The following NLRP13 variants were observed in gnomAD, a reference collection of about 807,000 sequenced individuals.
The protein encoded by NLRP13 is NACHT, LRR and PYD domains-containing protein 13.
Under a neutral mutation model 94.4 loss-of-function variants are expected in NLRP13, and 82 were observed. That is an observed-to-expected ratio of 0.87 (90% confidence interval 0.73 to 1.04). The LOEUF is 1.04. Among genes scored for constraint, NLRP13 ranks in the 50% least tolerant of loss-of-function variants. NLRP13 has a pLI of 0.00. For synonymous variants in NLRP13, 553 were observed against 464.7 expected (o/e 1.19, Z -2.45); for missense variants, 1,426 against 1,230.8 (o/e 1.16, Z -2.37).
intron 4 of NLRP13, among the ~76,000 whole-genome samples, chr19:55,913,671 GAGAAGGGATC>G (rs1323497462): frequency 6.6e-6 from 1 of 151,876 alleles, no homozygotes; most frequent in African/African-American, 2.4e-5. Flanking sequence ...AGAGAGGGCA[GAGAAGGGATC>G]ATAGCGAGAA....
chr19:55,905,191 C>G (rs969095937), intron 7 of NLRP13, 79 bp from the exon 8 acceptor site: 27 of 1,434,932 alleles, frequency 1.9e-5, no homozygotes, highest in Non-Finnish European at 2.5e-5. Context: ...ACCCCTTAAC[C>G]CCCGAGACCC....
intron 8 of NLRP13, among the ~76,000 whole-genome samples, chr19:55,902,950 A>T (rs1485836002): frequency 8.3e-4 from 2 of 2,412 alleles, no homozygotes; most frequent in East Asian, 0.17. Context: ...AAATTATAAC[A>T]ACTAATTGTT....
At chr19:55,907,259 G>A (rs371203238) in intron 7 of NLRP13, among the ~76,000 whole-genome samples, 31 of 151,990 alleles carry the variant, frequency 2.0e-4, no homozygotes, top group Admixed American at 1.5e-3. Flanking sequence ...CACCTGGCCT[G>A]GAATCTGTAT....
chr19:55,919,120 C>G (rs1733785680), intron 4 of NLRP13, among the ~76,000 whole-genome samples: 1 of 152,050 alleles, frequency 6.6e-6, no homozygotes, highest in African/African-American at 2.4e-5. Context: ...AAAACAAAAA[C>G]TATATGATCA....
At chr19:55,913,420 A>G in intron 4 of NLRP13, 127 bp from the exon 5 acceptor site, 1 of 1,086,458 alleles carries the variant, frequency 9.2e-7, no homozygotes, top group Non-Finnish European at 1.3e-6. Context: ...TTTTGTGGGA[A>G]TGCAGTGGTA....
intron 4 of NLRP13, among the ~76,000 whole-genome samples, chr19:55,920,167 C>T (rs1056179945): frequency 3.3e-5 from 5 of 152,086 alleles, no homozygotes; most frequent in African/African-American, 1.2e-4. Context: ...TCACTATATT[C>T]AAAAGCTCAC....
Position 55,923,932 on chromosome 19 carries a change from C to G in NLRP13, c.505G>C (p.Glu169Gln). ...GCQDPNQEEP[E>Q]MLEEADHRRK... ...TACACACCTGCTTCCTCTAGCATCT[C>G]TGGTTCTTCTTGGTTTGGATCTTGG... Residue 169 changes from glutamate (E) to glutamine (Q), a missense_variant, in exon 4 of 11, where the codon GAG becomes CAG. Coordinates refer to ENST00000342929, the MANE Select transcript of NLRP13 (RefSeq NM_176810.2). The G allele has an allele frequency of 6.2e-7, 1 of 1,613,832 alleles. No individual in the cohort carries two copies. Among genetic ancestry groups the G allele is most frequent in the Non-Finnish European group, 8.5e-7 (1 of 1,179,742 alleles).
Position 55,895,953 on chromosome 19 carries a change from G to A in NLRP13, c.3124C>T (p.Leu1042Phe). Residue 1042 changes from leucine (L) to phenylalanine (F), a missense_variant, in exon 11 of 11, where the codon CTC becomes TTC. Transcript: ENST00000342929. ...AGAAAAGTCAGTGAGGTTTACCCGA[G>A]TTTCTGCAGCCTGCATGTCGACTTT... ...LKKSTCRLQK[L>F]G 1 of 1,613,902 alleles carries A rather than the reference G, an allele frequency of 6.2e-7. No homozygotes were observed. The highest frequency in any genetic ancestry group is 1.1e-5 in the South Asian group (1 of 91,028).
chr19:55,892,394 CACACATATTCATATACAT>C (rs1985880562), downstream of NLRP13, among the ~76,000 whole-genome samples: 1 of 151,402 alleles, frequency 6.6e-6, no homozygotes, highest in Middle Eastern at 3.4e-3. Flanking sequence ...CACATACACA[CACACATATTCATATACAT>C]ACACACATAC....
rs769323675 is a variant in NLRP13, at chr19:55,932,070, G to T, written c.242C>A (p.Ala81Glu). 7.4e-6 allele frequency: 12 copies of T among 1,614,002 alleles called. No individual in the cohort carries two copies. The highest frequency in any genetic ancestry group is 1.6e-4 in the Middle Eastern group (1 of 6,080). ...LLDEHFPKGQ[A>E]WKVVLGIFQT... The stretch of plus-strand genomic sequence containing the variant: ...GAAGATGCCGAGGACCACTTTCCAT[G>T]CCTGACCTTTTGGGAAGTGTTCATC... The change falls in exon 1 of 11, where the codon GCA becomes GAA. Residue 81 changes from alanine to glutamate, a missense_variant. Transcript: ENST00000342929.
rs945478661 is a variant in NLRP13 at position 55,912,266 on chromosome 19, G to A, written c.1551C>T (p.Tyr517=). 2.1e-5 allele frequency: 34 copies of A among 1,613,892 alleles called. No individual in the cohort carries two copies. The highest frequency in any genetic ancestry group is 1.6e-4 in the Middle Eastern group (1 of 6,084). The change falls in exon 5 of 11, where the codon TAC becomes TAT. Residue 517 remains tyrosine, a synonymous_variant. Coordinates refer to ENST00000342929, the MANE Select transcript of NLRP13 (RefSeq NM_176810.2). ...TGATCTTTTGAAGAATATTGAACTC[G>A]TAGAGAGAATCAATGAAAGGCACTT... The part of the protein sequence containing the change: ...GLEVPFIDSL[Y]EFNILQKIND...
chr19:55,894,252 T>C (rs990454592), downstream of NLRP13, among the ~76,000 whole-genome samples: 1 of 151,956 alleles, frequency 6.6e-6, no homozygotes. Context: ...ATGTTGCCCA[T>C]GCTGGTCTTG....
In NLRP13 at chr19:55,900,044, C is replaced by T. The variant is rs549367114; in HGVS notation, c.2790-1107G>A. Among the ~76,000 whole-genome samples, 3 of 150,192 alleles carry T rather than the reference C, an allele frequency of 2.0e-5. No individual in the cohort carries two copies. In the South Asian group the frequency reaches 6.4e-4, roughly 32 times the overall value. Reference sequence around the variant, plus strand: ...TCAAAATTGCTAACATAATAAATTTCAAATATTGTCACCACAAAAAATTGT... The same window carrying T: ...TCAAAATTGCTAACATAATAAATTTTAAATATTGTCACCACAAAAAATTGT... On this transcript the variant is annotated intron_variant, in intron 9 of 10. Coordinates refer to ENST00000342929, the MANE Select transcript of NLRP13 (RefSeq NM_176810.2).
intron 1 of NLRP13, among the ~76,000 whole-genome samples, chr19:55,929,482 A>G (rs1190045873): frequency 6.6e-6 from 1 of 152,202 alleles, no homozygotes; most frequent in Non-Finnish European, 1.5e-5. Flanking sequence ...GCAGGGACAT[A>G]GATGAAGCTG....
Position 55,927,293 on chromosome 19 carries a change from C to T in NLRP13, c.320-2258G>A, listed in dbSNP as rs1379906214. Among the ~76,000 whole-genome samples the T allele has an allele frequency of 2.7e-5, 4 of 150,868 alleles. No individual in the cohort carries two copies. In the South Asian group the frequency reaches 8.4e-4, roughly 32 times the overall value. On this transcript the variant is annotated intron_variant, in intron 1 of 10. Coordinates refer to ENST00000342929, the MANE Select transcript of NLRP13 (RefSeq NM_176810.2). The stretch of plus-strand genomic sequence containing the variant: ...CTGAGGCAGGAGAATCGCTTGAACC[C>T]GGAGGCAGAGGTTGCAGTGAGCCGA...
chr19:55,931,711 A>AGACAG (rs1987141838), intron 1 of NLRP13, among the ~76,000 whole-genome samples: 1 of 48,506 alleles, frequency 2.1e-5, no homozygotes, highest in African/African-American at 7.8e-5. Flanking sequence ...CTCAGGCTCA[A>AGACAG]AAAAAAAAAA....
In NLRP13 at chr19:55,929,145, G is replaced by C. The variant is rs186529356; in HGVS notation, c.319+2848C>G. 2.5e-3 allele frequency among the ~76,000 whole-genome samples: 378 copies of C among 152,284 alleles called. 2 individuals carry two copies. Among genetic ancestry groups the C allele is most frequent in the African/African-American group, 8.6e-3 (358 of 41,556 alleles). Reference sequence around the variant, plus strand: ...AGGAAACAGATGCTGGAGAGGATGTGGAGAAATAGGAACACTTTTACACTG... The same window carrying C: ...AGGAAACAGATGCTGGAGAGGATGTCGAGAAATAGGAACACTTTTACACTG... On this transcript the variant is annotated intron_variant, in intron 1 of 10. Coordinates refer to ENST00000342929, the MANE Select transcript of NLRP13 (RefSeq NM_176810.2).
At chr19:55,892,593 G>A (rs146423365), downstream of NLRP13, among the ~76,000 whole-genome samples, 38 of 151,982 alleles carry the variant, frequency 2.5e-4, no homozygotes, top group Non-Finnish European at 3.7e-4. Context: ...GCTAATTTTT[G>A]TATTTTTAGT....
intron 6 of NLRP13, among the ~76,000 whole-genome samples, chr19:55,908,438 C>T (rs564558030): frequency 1.3e-5 from 2 of 152,140 alleles, no homozygotes; most frequent in African/African-American, 2.4e-5. Context: ...CCCAAAGGAA[C>T]GTAAATCGTT....
Sources: gnomAD v4.1 joint callset for allele counts (sites outside exome capture counted in the v4.1 genomes callset) on GRCh38, gnomAD v4.1.1 for gene constraint, MANE v1.5 for transcripts, NCBI Gene and HGNC (gene_info 2026-07-23, HGNC 2026-07-21) for gene names.